TSPAN9: variants seen among roughly 807,000 people sequenced by gnomAD.
The protein encoded by TSPAN9 is tetraspanin 9, also known as tetraspanin-9.
TSPAN9 carries 16 observed loss-of-function variants against 31.0 expected under a neutral mutation model. The observed-to-expected ratio is 0.52, with a 90% confidence interval of 0.35 to 0.78. The LOEUF (loss-of-function observed/expected upper bound fraction) is 0.78. Ranked by LOEUF, TSPAN9 falls within the 30% of genes least tolerant of loss-of-function variation. The probability of loss-of-function intolerance (pLI) is 0.01; values close to 1 mark genes in which losing one functional copy is unlikely to be tolerated. For synonymous variants in TSPAN9, 145 were observed against 121.6 expected, an observed-to-expected ratio of 1.19 and a Z score of -1.27; for missense variants, 272 against 312.5, an observed-to-expected ratio of 0.87 and a Z score of 0.98.
In TSPAN9 at chr12:3,168,617, AGTGCT is replaced by A. The variant is rs2098349930; in HGVS notation, c.-17-32558_-17-32554del. 6.6e-6 allele frequency among the ~76,000 whole-genome samples: 1 copy of A among 152,166 alleles called. No individual in the cohort carries two copies. Among genetic ancestry groups the A allele is most frequent in the Admixed American group, 6.5e-5 (1 of 15,280 alleles). ...GTGAGTCATTGTCACTTGCTTGTGA[AGTGCT>A]GCATCCAATCTCTTTACGAATGGAT... On this transcript the variant is annotated intron_variant, in intron 2 of 8. Transcript: ENST00000011898. This position sits in a 1 kb window ranked among gnomAD's most constrained non-coding sequence, Gnocchi z 4.0.
intron 3 of TSPAN9, among the ~76,000 whole-genome samples, chr12:3,203,732 A>T (rs2153973278): frequency 6.6e-6 from 1 of 152,374 alleles, no homozygotes; most frequent in South Asian, 2.1e-4. Context: ...TGATTAAATA[A>T]GACATAGACC....
intron 3 of TSPAN9, among the ~76,000 whole-genome samples, chr12:3,227,564 A>G (rs904615346): frequency 2.6e-5 from 4 of 152,142 alleles, no homozygotes; most frequent in African/African-American, 9.7e-5. Context: ...AGCACCAGGA[A>G]GCCGCAGGTA....
intron 3 of TSPAN9, among the ~76,000 whole-genome samples, chr12:3,224,926 C>T (rs550776246): frequency 3.4e-4 from 52 of 152,234 alleles, no homozygotes; most frequent in African/African-American, 1.1e-3. Flanking sequence ...AGGGCGGCCA[C>T]GCTCCCATGG....
intron 2 of TSPAN9, among the ~76,000 whole-genome samples, chr12:3,106,096 A>C (rs1183331425): frequency 6.6e-6 from 1 of 152,058 alleles, no homozygotes; most frequent in Non-Finnish European, 1.5e-5. Context: ...GCGCGCACGC[A>C]CACACACACA....
intron 2 of TSPAN9, among the ~76,000 whole-genome samples, chr12:3,198,785 AG>A (rs2098369260): frequency 2.1e-5 from 2 of 93,884 alleles, no homozygotes; most frequent in Admixed American, 1.3e-4. Context: ...CCACCAGCAC[AG>A]GCCACCACCA....
chr12:3,105,465 T>C (rs929626786), intron 2 of TSPAN9, among the ~76,000 whole-genome samples: 3 of 143,656 alleles, frequency 2.1e-5, no homozygotes, highest in African/African-American at 7.9e-5. Flanking sequence ...GCTGGAAAAA[T>C]TGGGGTCAGA....
At chr12:3,193,464 G>C (rs1161197559) in intron 2 of TSPAN9, among the ~76,000 whole-genome samples, 1 of 152,202 alleles carries the variant, frequency 6.6e-6, no homozygotes, top group Admixed American at 6.5e-5. Context: ...TCTTTCCGAA[G>C]GCCCCAGTAC....
chr12:3,216,373 G>T (rs1283746399), intron 3 of TSPAN9, among the ~76,000 whole-genome samples: 4 of 151,998 alleles, frequency 2.6e-5, no homozygotes, highest in Non-Finnish European at 5.9e-5. Flanking sequence ...CATCTCTTTT[G>T]CTCCCCCGAG....
chr12:3,146,169 A>G (rs2098337150), intron 2 of TSPAN9, among the ~76,000 whole-genome samples: 1 of 152,218 alleles, frequency 6.6e-6, no homozygotes, highest in Non-Finnish European at 1.5e-5. Flanking sequence ...TGGCCCTGAC[A>G]GCCTAGATTT....
At chr12:3,190,104 C>T (rs1359723100) in intron 2 of TSPAN9, among the ~76,000 whole-genome samples, 1 of 152,190 alleles carries the variant, frequency 6.6e-6, no homozygotes, top group Non-Finnish European at 1.5e-5. Flanking sequence ...TGCCTTCTTC[C>T]ACATTGGCTC....
chr12:3,211,518 C>T (rs916991196), intron 3 of TSPAN9: 3 of 672,034 alleles, frequency 4.5e-6, no homozygotes, highest in Non-Finnish European at 7.4e-6. Flanking sequence ...CAGCCAGCCT[C>T]TTCCCCCAAA....
chr12:3,247,444 G>A (rs1862160003), intron 3 of TSPAN9, among the ~76,000 whole-genome samples: 1 of 152,084 alleles, frequency 6.6e-6, no homozygotes, highest in African/African-American at 2.4e-5. Flanking sequence ...CTTCAGGGCA[G>A]GAGAAACCAC....
At chr12:3,268,997 C>T (rs1302761320) in intron 3 of TSPAN9, among the ~76,000 whole-genome samples, 14 of 91,174 alleles carry the variant, frequency 1.5e-4, no homozygotes, top group Non-Finnish European at 1.3e-4. Flanking sequence ...TCCGTGCGTT[C>T]CTGCAGCCTG....
chr12:3,273,989 G>A (rs1185518648), intron 3 of TSPAN9, among the ~76,000 whole-genome samples: 2 of 152,222 alleles, frequency 1.3e-5, no homozygotes, highest in African/African-American at 4.8e-5. Context: ...TCCAATGGCT[G>A]TTCTCAAGAT....
At chr12:3,210,668 A>G (rs2098378172) in intron 3 of TSPAN9, among the ~76,000 whole-genome samples, 3 of 150,176 alleles carry the variant, frequency 2.0e-5, no homozygotes. Context: ...ATGTAGTCAA[A>G]TTTTCAGCCT....
intron 3 of TSPAN9, among the ~76,000 whole-genome samples, chr12:3,258,842 A>AGT (rs1862398650): frequency 6.6e-6 from 1 of 152,200 alleles, no homozygotes; most frequent in South Asian, 2.1e-4. Context: ...TCATGGTCTC[A>AGT]GTGGACCAAG....
intron 3 of TSPAN9, among the ~76,000 whole-genome samples, chr12:3,213,924 C>G (rs1046177724): frequency 6.6e-6 from 1 of 152,226 alleles, no homozygotes; most frequent in Non-Finnish European, 1.5e-5. Context: ...CCTCCCCACT[C>G]CTACAAATGC....
intron 3 of TSPAN9, among the ~76,000 whole-genome samples, chr12:3,229,878 C>T (rs2098389789): frequency 6.6e-6 from 1 of 152,230 alleles, no homozygotes. Context: ...GCATAGACAT[C>T]TCAGGGACCC....
intron 3 of TSPAN9, among the ~76,000 whole-genome samples, chr12:3,202,184 T>C (rs2098372317): frequency 6.6e-6 from 1 of 152,316 alleles, no homozygotes; most frequent in East Asian, 1.9e-4. Context: ...TCATCTCGAA[T>C]CGTTCCTTCA....
Sources: gnomAD v4.1 joint callset for allele counts (sites outside exome capture counted in the v4.1 genomes callset) on GRCh38, gnomAD v4.1.1 for gene constraint, Gnocchi (gnomAD v3.1) non-coding constraint, MANE v1.5 for transcripts, NCBI Gene and HGNC (gene_info 2026-07-23, HGNC 2026-07-21) for gene names.